DPH6: variants seen among roughly 807,000 people sequenced by gnomAD.
DPH6 encodes diphthamine biosynthesis 6.
DPH6 carries 33 observed loss-of-function variants against 38.2 expected under a neutral mutation model. That is an observed-to-expected ratio of 0.86 (90% CI 0.65 to 1.15). The LOEUF is 1.15. Among genes scored for constraint, DPH6 ranks in the 50% most tolerant of loss-of-function variants. The probability of loss-of-function intolerance (pLI) is 0.00; values close to 1 mark genes in which losing one functional copy is unlikely to be tolerated. For missense variants in DPH6, 325 were observed against 320.0 expected, an observed-to-expected ratio of 1.02 and a Z score of -0.12; for synonymous variants, 108 against 103.0, an observed-to-expected ratio of 1.05 and a Z score of -0.30.
At chr15:35,403,714 C>T (rs916831832) in intron 6 of DPH6, among the ~76,000 whole-genome samples, 6 of 151,920 alleles carry the variant, frequency 3.9e-5, no homozygotes, top group African/African-American at 2.4e-5. Flanking sequence ...TGCCACATTG[C>T]CCAGGCTGGT....
At chr15:35,333,468 G>A (rs767308745) in intron 3 of DPH6, among the ~76,000 whole-genome samples, 16 of 152,122 alleles carry the variant, frequency 1.1e-4, no homozygotes, top group Non-Finnish European at 1.6e-4. Context: ...ATCATGCAAC[G>A]TCAGGCCATG....
chr15:35,367,896 A>G (rs886746333), downstream of DPH6, among the ~76,000 whole-genome samples: 2 of 151,904 alleles, frequency 1.3e-5, no homozygotes, highest in African/African-American at 4.8e-5. Context: ...AATGGCATAT[A>G]ATGTGAAATG....
In DPH6 at chr15:35,235,662, ACT is replaced by A. The variant is rs546593661; in HGVS notation, n.201-15082_201-15081del. On this transcript the variant is annotated intron_variant and non_coding_transcript_variant, in intron 3 of 3. Transcript: ENST00000560386. Reference sequence around the variant, plus strand: ...TGAGTGTGTGTTTCCCAAAATATACACTGTTTTAAAATTTCAAATTCATAAAA... The same window carrying A: ...TGAGTGTGTGTTTCCCAAAATATACAGTTTTAAAATTTCAAATTCATAAAA... Among the ~76,000 whole-genome samples the A allele has an allele frequency of 1.2e-3, 182 of 152,326 alleles. 1 individual carries two copies. The highest frequency in any genetic ancestry group is 4.3e-3 in the African/African-American group (179 of 41,576).
chr15:35,258,082 C>CA (rs1227633438), intron 3 of DPH6, among the ~76,000 whole-genome samples: 1 of 152,022 alleles, frequency 6.6e-6, no homozygotes, highest in Non-Finnish European at 1.5e-5. Context: ...CATAGCAGCC[C>CA]AATACTGGAC....
chr15:35,359,893 C>G (rs1016330320), intron 3 of DPH6, among the ~76,000 whole-genome samples: 4 of 151,920 alleles, frequency 2.6e-5, no homozygotes, highest in Non-Finnish European at 4.4e-5. Context: ...AATTAAACTT[C>G]CCATTTTATT....
At chr15:35,234,406 C>T (rs1297774517) in intron 3 of DPH6, among the ~76,000 whole-genome samples, 1 of 152,220 alleles carries the variant, frequency 6.6e-6, no homozygotes, top group East Asian at 1.9e-4. Context: ...TCCACTCAAA[C>T]CAACTCTGCT....
chr15:35,544,554 T>A (rs760636335), intron 1 of DPH6, among the ~76,000 whole-genome samples: 1 of 152,068 alleles, frequency 6.6e-6, no homozygotes, highest in Non-Finnish European at 1.5e-5. Flanking sequence ...TATGTAAGAA[T>A]CCCAGTTTCA....
At chr15:35,273,992 A>T (rs2140429629) in intron 3 of DPH6, among the ~76,000 whole-genome samples, 1 of 152,334 alleles carries the variant, frequency 6.6e-6, no homozygotes. Context: ...ATCCTACCTG[A>T]CTTCAAACTA....
chr15:35,212,113 T>C, the DPH6 span, among the ~76,000 whole-genome samples: 1 of 152,190 alleles, frequency 6.6e-6, no homozygotes, highest in Non-Finnish European at 1.5e-5. Flanking sequence ...CAGATACATC[T>C]TGTGCCACAA....
chr15:35,386,187 T>C (rs904853624), intron 6 of DPH6, among the ~76,000 whole-genome samples: 2 of 152,238 alleles, frequency 1.3e-5, no homozygotes, highest in Non-Finnish European at 2.9e-5. Flanking sequence ...TCATCATTTT[T>C]TATGGCTGCA....
intron 7 of DPH6, among the ~76,000 whole-genome samples, chr15:35,374,509 C>T (rs1294548288): frequency 1.3e-5 from 2 of 151,902 alleles, no homozygotes; most frequent in Non-Finnish European, 2.9e-5. Flanking sequence ...GAAGAAATCT[C>T]AAAATATTTG....
At chr15:35,367,842 T>G (rs1179696253), downstream of DPH6, among the ~76,000 whole-genome samples, 2 of 151,760 alleles carry the variant, frequency 1.3e-5, no homozygotes, top group Non-Finnish European at 2.9e-5. Context: ...GCTTAAAGCA[T>G]TTTTCTCTAA....
At chr15:35,219,651 G>C (rs2140383385) in exon 4 of DPH6, 1 of 152,266 alleles carries the variant, frequency 6.6e-6, no homozygotes, top group East Asian at 1.9e-4. Flanking sequence ...TCATGTTGCA[G>C]TGAGTAATAA....
intron 3 of DPH6, among the ~76,000 whole-genome samples, chr15:35,482,295 G>A (rs561509609): frequency 6.6e-6 from 1 of 152,278 alleles, no homozygotes; most frequent in South Asian, 2.1e-4. Context: ...TGAAAAATGA[G>A]ATAGCATAAA....
chr15:35,435,887 G>C lies in DPH6; in HGVS notation c.505+14798C>G, dbSNP rs914319002. On this transcript the variant is annotated intron_variant, in intron 5 of 8. Coordinates refer to ENST00000256538, the MANE Select transcript of DPH6 (RefSeq NM_080650.4). ...AAACTGTGGTCCCTTCTTCGCTCTCGGGGTTTGGGAATGTCAGCCTTGGTC... is the reference window on the plus strand; with the variant it reads ...AAACTGTGGTCCCTTCTTCGCTCTCCGGGTTTGGGAATGTCAGCCTTGGTC... Among the ~76,000 whole-genome samples the C allele has an allele frequency of 5.3e-5, 8 of 152,028 alleles. No homozygotes were observed. In the South Asian group the frequency reaches 1.7e-3, roughly 32 times the overall value.
At chr15:35,220,000 C>G (rs1182600254) in exon 4 of DPH6, 5 of 152,148 alleles carry the variant, frequency 3.3e-5, no homozygotes, top group African/African-American at 1.2e-4. Context: ...TTCAACTGAA[C>G]CTTACTATGC....
At chr15:35,296,897 C>T (rs1356531705) in intron 3 of DPH6, among the ~76,000 whole-genome samples, 2 of 126,282 alleles carry the variant, frequency 1.6e-5, no homozygotes, top group African/African-American at 4.3e-5. Flanking sequence ...CTCCGCTTCC[C>T]GGGTTCACGC....
chr15:35,145,718 C>T, the DPH6 span, among the ~76,000 whole-genome samples: 1 of 152,112 alleles, frequency 6.6e-6, no homozygotes, highest in South Asian at 2.1e-4. Context: ...GAGATGAAAA[C>T]AGCTTCAAGT....
chr15:35,502,807 G>C (rs2054644866), intron 3 of DPH6, among the ~76,000 whole-genome samples: 1 of 150,836 alleles, frequency 6.6e-6, no homozygotes, highest in Non-Finnish European at 1.5e-5. Flanking sequence ...TAGGAACCTA[G>C]ATGCTTACTT....
Sources: allele counts gnomAD v4.1 joint callset (sites outside exome capture counted in the v4.1 genomes callset), GRCh38; gene constraint gnomAD v4.1.1; transcripts MANE v1.5; gene names NCBI Gene and HGNC (gene_info 2026-07-23, HGNC 2026-07-21).